Variants in DNAJC3 observed in about 807,000 individuals in gnomAD.
DNAJC3 encodes the protein dnaJ homolog subfamily C member 3.
Under a neutral mutation model 68.6 loss-of-function variants are expected in DNAJC3, and 38 were observed. That is an observed-to-expected ratio of 0.55 (90% CI 0.43 to 0.73). The LOEUF is 0.73. Ranked by LOEUF, DNAJC3 falls within the 30% of genes least tolerant of loss-of-function variation. The pLI is 0.00. For missense variants in DNAJC3, 526 were observed against 591.9 expected (o/e 0.89, Z 1.16); for synonymous variants, 203 against 204.0 (o/e 1.00, Z 0.04).
At chr13:95,782,485 T>A (rs951350522) in intron 9 of DNAJC3, among the ~76,000 whole-genome samples, 1 of 152,228 alleles carries the variant, frequency 6.6e-6, no homozygotes, top group East Asian at 1.9e-4. Flanking sequence ...GACTGTTTAA[T>A]GATCGCCATT....
chr13:95,782,274 G>A lies in DNAJC3; in HGVS notation c.1076-3665G>A, dbSNP rs190142653. On this transcript the variant is annotated intron_variant, in intron 9 of 11. Transcript: ENST00000602402. ...TGCTGCAATAAACATACCTGTGCAT[G>A]TGTCTTTATAGTAGAATGATTTATA... 2.0e-3 allele frequency among the ~76,000 whole-genome samples: 301 copies of A among 152,316 alleles called. 1 individual carries two copies. The highest frequency in any genetic ancestry group is 4.2e-3 in the Admixed American group (64 of 15,310).
intron 1 of DNAJC3, among the ~76,000 whole-genome samples, chr13:95,691,251 T>C (rs1006267584): frequency 1.3e-5 from 2 of 151,292 alleles, no homozygotes; most frequent in Admixed American, 1.3e-4. Context: ...GCTCCTCACT[T>C]CCCAGACGGG....
At chr13:95,770,195 T>C (rs1217412477) in intron 9 of DNAJC3, among the ~76,000 whole-genome samples, 1 of 152,042 alleles carries the variant, frequency 6.6e-6, no homozygotes, top group Admixed American at 6.5e-5. Flanking sequence ...TTTTGTTAAT[T>C]GACAAGACTG....
At chr13:95,757,356 C>T (rs765433330) in intron 4 of DNAJC3, among the ~76,000 whole-genome samples, 7 of 152,142 alleles carry the variant, frequency 4.6e-5, no homozygotes, top group South Asian at 2.1e-4. Flanking sequence ...TTCCTTCCTC[C>T]GTTCTTCTCT....
chr13:95,736,053 T>C (rs1273267269), intron 4 of DNAJC3, among the ~76,000 whole-genome samples: 1 of 152,068 alleles, frequency 6.6e-6, no homozygotes, highest in Non-Finnish European at 1.5e-5. Flanking sequence ...TAGCCAGTTT[T>C]CCCAGCACCA....
chr13:95,739,714 T>C (rs889699706), intron 4 of DNAJC3, among the ~76,000 whole-genome samples: 11 of 151,938 alleles, frequency 7.2e-5, no homozygotes, highest in African/African-American at 1.2e-4. Flanking sequence ...TACATTCTTC[T>C]AAATTTTTTT....
intron 1 of DNAJC3, among the ~76,000 whole-genome samples, chr13:95,691,215 G>A (rs1045535428): frequency 2.0e-5 from 3 of 150,926 alleles, no homozygotes; most frequent in Admixed American, 6.6e-5. Flanking sequence ...CCTCCCTCCC[G>A]GACGAGGTGG....
chr13:95,679,199 CTTTTTTTTTTT>C (rs3086610), intron 1 of DNAJC3, among the ~76,000 whole-genome samples: 2 of 108,414 alleles, frequency 1.8e-5, no homozygotes, highest in African/African-American at 7.9e-5. Context: ...AAAATCAGCA[CTTTTTTTTTTT>C]TTTTTTTTTT....
At chr13:95,713,112 G>A (rs920371221) in intron 2 of DNAJC3, among the ~76,000 whole-genome samples, 2 of 152,122 alleles carry the variant, frequency 1.3e-5, no homozygotes, top group Non-Finnish European at 2.9e-5. Context: ...ATGCCGAACT[G>A]TGAGTCAATT....
At chr13:95,723,911 G>A (rs948935077) in intron 3 of DNAJC3, among the ~76,000 whole-genome samples, 10 of 152,338 alleles carry the variant, frequency 6.6e-5, no homozygotes, top group African/African-American at 2.4e-4. Flanking sequence ...TGTGACAGAT[G>A]TGTGAACAGG....
In DNAJC3 at chr13:95,689,127, CTTTGA is replaced by C. The variant is rs560199876; in HGVS notation, c.82+11794_82+11798del. Among the ~76,000 whole-genome samples, 1,290 of 136,684 alleles carry C rather than the reference CTTTGA, an allele frequency of 9.4e-3. 17 individuals carry two copies. Among genetic ancestry groups the C allele is most frequent in the African/African-American group, 0.034 (1,226 of 36,356 alleles). The allele number at this position is 136,684 out of a possible 152,430, so 89.7% of individuals were successfully genotyped here. ...AATGAGTTAGGGAGGAATCCTTCCT[CTTTGA>C]TTTTTTTTTTTTTCGGGGGGGAATA... On this transcript the variant is annotated intron_variant, in intron 1 of 11. Transcript: ENST00000602402.
intron 4 of DNAJC3, among the ~76,000 whole-genome samples, chr13:95,736,498 T>G (rs1881923672): frequency 1.4e-5 from 2 of 146,124 alleles, no homozygotes; most frequent in South Asian, 2.3e-4. Flanking sequence ...TTTATTTCCT[T>G]GAGCAGTGGT....
rs1302479958 is a variant in DNAJC3 at position 95,760,271 on chromosome 13, A to G, written c.728+50A>G. On this transcript the variant is annotated intron_variant, in intron 6 of 11. Coordinates refer to ENST00000602402, the MANE Select transcript of DNAJC3 (RefSeq NM_006260.5). ...TGATCTTTTTTAATTGTTGGCAGTA[A>G]GATTACCTCATCTTGTTTTAACATT... The G allele has an allele frequency of 2.9e-6, 4 of 1,396,190 alleles. No individual in the cohort carries two copies. In the African/African-American group the frequency reaches 5.8e-5, roughly 20 times the overall value. The allele number at this position is 1,396,190 out of a possible 1,614,324, so 86.5% of individuals were successfully genotyped here. A position where few individuals can be genotyped will look rare whatever the true frequency, so the allele number is the denominator to read the frequency against.
At chr13:95,716,092 A>G (rs1050991636) in intron 2 of DNAJC3, among the ~76,000 whole-genome samples, 1 of 152,094 alleles carries the variant, frequency 6.6e-6, no homozygotes, top group Non-Finnish European at 1.5e-5. Flanking sequence ...TGGGAGGTGG[A>G]GGTTGCAGTG....
intron 4 of DNAJC3, among the ~76,000 whole-genome samples, chr13:95,751,468 C>G (rs1882477505): frequency 6.6e-6 from 1 of 152,080 alleles, no homozygotes; most frequent in Non-Finnish European, 1.5e-5. Context: ...CTGTGAGACT[C>G]AGGATTTTCA....
intron 1 of DNAJC3, among the ~76,000 whole-genome samples, chr13:95,702,033 T>TA (rs750935894): frequency 6.6e-6 from 1 of 152,136 alleles, no homozygotes. Context: ...ATTAATCCTT[T>TA]AAAAAAATAC....
intron 2 of DNAJC3, among the ~76,000 whole-genome samples, chr13:95,713,189 A>G (rs1881028438): frequency 6.6e-6 from 1 of 152,192 alleles, no homozygotes; most frequent in Admixed American, 6.5e-5. Flanking sequence ...AGAACGAACT[A>G]ATACAATTGC....
intron 9 of DNAJC3, among the ~76,000 whole-genome samples, chr13:95,785,010 C>T (rs1883556558): frequency 6.6e-6 from 1 of 152,174 alleles, no homozygotes; most frequent in South Asian, 2.1e-4. Flanking sequence ...AGTCAGCAGA[C>T]TTCCTATACT....
At chr13:95,717,575 C>T (rs879914816) in intron 2 of DNAJC3, among the ~76,000 whole-genome samples, 19 of 152,252 alleles carry the variant, frequency 1.2e-4, no homozygotes, top group Non-Finnish European at 2.6e-4. Flanking sequence ...GTGTCCCCAC[C>T]CAAATCTCGA....
Sources: gnomAD v4.1 joint callset for allele counts (sites outside exome capture counted in the v4.1 genomes callset) on GRCh38, gnomAD v4.1.1 for gene constraint, MANE v1.5 for transcripts, NCBI Gene and HGNC (gene_info 2026-07-23, HGNC 2026-07-21) for gene names.